The following OR10G8 variants were observed in gnomAD, a reference collection of about 807,000 sequenced individuals.
The protein encoded by OR10G8 is olfactory receptor 10G8.
For missense variants in OR10G8, 386 were observed against 384.9 expected (o/e 1.00, Z -0.02); for synonymous variants, 173 against 163.2 (o/e 1.06, Z -0.46).
chr11:124,029,476 A>T, intron 1 of OR10G8, 120 bp from the exon 2 acceptor site: 1 of 915,172 alleles, frequency 1.1e-6, no homozygotes, highest in Non-Finnish European at 1.7e-6. Context: ...AAGCTTTGTT[A>T]ACAAGCAAAG....
Position 124,029,813 on chromosome 11 carries a change from T to C in OR10G8, c.191T>C (p.Leu64Pro), listed in dbSNP as rs1864138209. Reference protein sequence around the residue: ...HTTMYYFLTNLSFIDMWFSTV... With the variant: ...HTTMYYFLTNPSFIDMWFSTV... ...ACCATGTACTACTTCCTCACCAACCTGTCGTTCATTGACATGTGGTTCTCC... is the reference window on the plus strand; with the variant it reads ...ACCATGTACTACTTCCTCACCAACCCGTCGTTCATTGACATGTGGTTCTCC... Residue 64 changes from leucine (L) to proline (P), a missense_variant, in exon 2 of 2, where the codon CTG becomes CCG. Physicochemically the swap from Leu to Pro is moderately conservative, Grantham distance 98. Coordinates refer to ENST00000641224, the MANE Select transcript of OR10G8 (RefSeq NM_001004464.2). 1.9e-6 allele frequency: 3 copies of C among 1,614,050 alleles called. No homozygotes were observed. Among genetic ancestry groups the C allele is most frequent in the Non-Finnish European group, 2.5e-6 (3 of 1,180,032 alleles).
intron 1 of OR10G8, among the ~76,000 whole-genome samples, chr11:124,027,225 T>C (rs527702416): frequency 1.3e-5 from 2 of 152,196 alleles, no homozygotes; most frequent in African/African-American, 4.8e-5. Flanking sequence ...AAGTGACAAA[T>C]TGGGGCAAAA....
Position 124,029,930 on chromosome 11 carries a change from T to G in OR10G8, c.308T>G (p.Phe103Cys), listed in dbSNP as rs554092391. The G allele has an allele frequency of 3.7e-6, 6 of 1,613,870 alleles. No individual in the cohort carries two copies. Among genetic ancestry groups the G allele is most frequent in the Non-Finnish European group, 5.1e-6 (6 of 1,179,950 alleles). Residue 103 changes from phenylalanine to cysteine, a missense_variant, in exon 2 of 2, where the codon TTT becomes TGT. Transcript: ENST00000641224. The stretch of plus-strand genomic sequence containing the variant: ...AGCTGCATGGCTCAGCTCTATTTCT[T>G]TCACTTCCTAGGGGGCACCGAGTGT... ...FHSCMAQLYFFHFLGGTECFL... is the reference protein window; with the variant it reads ...FHSCMAQLYFCHFLGGTECFL...
chr11:124,027,250 T>C (rs1345327465), intron 1 of OR10G8, among the ~76,000 whole-genome samples: 1 of 152,240 alleles, frequency 6.6e-6, no homozygotes, highest in African/African-American at 2.4e-5. Context: ...AGATGAGTTT[T>C]ACTATTGAAA....
rs1476377694 is a variant in OR10G8 at position 124,027,437 on chromosome 11, C to T, written c.-28+570C>T. Among the ~76,000 whole-genome samples the T allele has an allele frequency of 2.0e-5, 3 of 152,144 alleles. No homozygotes were observed. In the East Asian group the frequency reaches 5.8e-4, roughly 29 times the overall value. ...TAGATAGATAGTAATTGATGGGATACTAATAGAGACAAAGTTGCTATGTAT... is the reference window on the plus strand; with the variant it reads ...TAGATAGATAGTAATTGATGGGATATTAATAGAGACAAAGTTGCTATGTAT... On this transcript the variant is annotated intron_variant, in intron 1 of 1. Transcript: ENST00000641224.
chr11:124,029,158 G>A (rs905527692), intron 1 of OR10G8, among the ~76,000 whole-genome samples: 3 of 152,014 alleles, frequency 2.0e-5, no homozygotes, highest in Admixed American at 6.6e-5. Context: ...AAAACTGCAA[G>A]GAACCGAATC....
intron 1 of OR10G8, among the ~76,000 whole-genome samples, chr11:124,029,291 C>T (rs1269344657): frequency 6.6e-6 from 1 of 152,124 alleles, no homozygotes; most frequent in East Asian, 1.9e-4. Context: ...ACCTGACCCA[C>T]AGAGAGGGCG....
rs572459190 is a variant in OR10G8 at position 124,029,968 on chromosome 11, G to A, written c.346G>A (p.Val116Ile). Residue 116 changes from valine to isoleucine, a missense_variant, in exon 2 of 2, where the codon GTC (valine) becomes ATC (isoleucine). Val to Ile is a conservative substitution (Grantham distance 29, BLOSUM62 3). Coordinates refer to ENST00000641224, the MANE Select transcript of OR10G8 (RefSeq NM_001004464.2). ...GGGCACCGAGTGTTTCCTCTACAGGGTCATGTCCTGTGATCGCTACCTGGC... is the reference window on the plus strand; with the variant it reads ...GGGCACCGAGTGTTTCCTCTACAGGATCATGTCCTGTGATCGCTACCTGGC... ...LGGTECFLYR[V>I]MSCDRYLAIS... 6.8e-6 allele frequency: 11 copies of A among 1,614,054 alleles called. No homozygotes were observed. Among genetic ancestry groups the A allele is most frequent in the South Asian group, 2.2e-5 (2 of 91,068 alleles).
At chr11:124,027,061 C>T (rs1864113509) in intron 1 of OR10G8, among the ~76,000 whole-genome samples, 194 bp downstream of exon 1, 1 of 152,208 alleles carries the variant, frequency 6.6e-6, no homozygotes, top group Non-Finnish European at 1.5e-5. Context: ...TCCTCTGAGA[C>T]ACAAATCAAC....
Position 124,030,467 on chromosome 11 carries a change from T to G in OR10G8, c.845T>G (p.Leu282Arg). Residue 282 changes from leucine to arginine, a missense_variant, in exon 2 of 2, where the codon CTC becomes CGC. Leu to Arg is a moderately radical substitution (Grantham distance 102, BLOSUM62 -2). Coordinates refer to ENST00000641224, the MANE Select transcript of OR10G8 (RefSeq NM_001004464.2). ...TTCTACACTGTGCTGACGCCCCTTC[T>G]CAACCCTGTTGTGTACACCCTGAGG... is the stretch of plus-strand genomic sequence containing the variant. Reference protein sequence around the residue: ...AVFYTVLTPLLNPVVYTLRNK... With the variant: ...AVFYTVLTPLRNPVVYTLRNK... The G allele has an allele frequency of 1.2e-6, 2 of 1,614,194 alleles. No individual in the cohort carries two copies. Among genetic ancestry groups the G allele is most frequent in the Non-Finnish European group, 8.5e-7 (1 of 1,180,032 alleles).
At position 124,029,630 on chromosome 11, in the gene OR10G8, A is replaced by G. The variant is rs572477865; in HGVS notation, c.8A>G (p.Asn3Ser). The change falls in exon 2 of 2, where the codon AAC becomes AGC. Residue 3 changes from asparagine to serine, a missense_variant. By Grantham distance (46) the Asn-to-Ser change is conservative. Coordinates refer to ENST00000641224, the MANE Select transcript of OR10G8 (RefSeq NM_001004464.2). The stretch of plus-strand genomic sequence containing the variant: ...GACCAAGGGTGAGAAGAAATGTCCA[A>G]CGCCAGCCTACTGACAGCGTTCATC... MS[N>S]ASLLTAFILM... 2.5e-6 allele frequency: 4 copies of G among 1,613,398 alleles called. No homozygotes were observed. The highest frequency in any genetic ancestry group is 2.7e-5 in the African/African-American group (2 of 75,024).
intron 1 of OR10G8, among the ~76,000 whole-genome samples, chr11:124,027,513 T>C (rs2137562396): frequency 6.6e-6 from 1 of 152,328 alleles, no homozygotes; most frequent in East Asian, 1.9e-4. Flanking sequence ...GGATTGAGAC[T>C]CTTGCTTTAG....
chr11:124,029,957 T>TTTTTC lies in OR10G8; in HGVS notation c.335_336insTTTTC (p.Leu113PhefsTer24). The TTTTTC allele has an allele frequency of 6.2e-7, 1 of 1,614,090 alleles. No homozygotes were observed. Among genetic ancestry groups the TTTTTC allele is most frequent in the African/African-American group, 1.3e-5 (1 of 75,030 alleles). On this transcript the variant is annotated frameshift_variant, in exon 2 of 2. Coordinates refer to ENST00000641224, the MANE Select transcript of OR10G8 (RefSeq NM_001004464.2). LOFTEE classifies it low-confidence loss of function (END_TRUNC). Reference sequence around the variant, plus strand: ...CACTTCCTAGGGGGCACCGAGTGTTTCCTCTACAGGGTCATGTCCTGTGAT... The same window carrying TTTTTC: ...CACTTCCTAGGGGGCACCGAGTGTTTTTTTCCCTCTACAGGGTCATGTCCTGTGAT...
chr11:124,027,399 T>A (rs1178588457), intron 1 of OR10G8, among the ~76,000 whole-genome samples: 1 of 152,226 alleles, frequency 6.6e-6, no homozygotes, highest in East Asian at 1.9e-4. Flanking sequence ...ATAAAATCAG[T>A]TAGATACATA....
At chr11:124,028,787 G>GGTT (rs1555155484) in intron 1 of OR10G8, among the ~76,000 whole-genome samples, 1 of 151,170 alleles carries the variant, frequency 6.6e-6, no homozygotes, top group East Asian at 1.9e-4. Context: ...AATTCTTGGT[G>GGTT]TTTTTTTTTA....
rs770374643 is a variant in OR10G8, at chr11:124,030,366, T to C, written c.744T>C (p.Leu248=). The C allele has an allele frequency of 5.6e-6, 9 of 1,614,184 alleles. No homozygotes were observed. In the South Asian group the frequency reaches 9.9e-5, roughly 18 times the overall value. ...QTCASHCIVV[L]CFFGPGLFIY... ...GTGCCTCCCACTGTATCGTGGTCCTTTGCTTCTTTGGCCCTGGTCTTTTCA... is the reference window on the plus strand; with the variant it reads ...GTGCCTCCCACTGTATCGTGGTCCTCTGCTTCTTTGGCCCTGGTCTTTTCA... Residue 248 remains leucine (L), a synonymous_variant, in exon 2 of 2, where the codon CTT becomes CTC. Transcript: ENST00000641224.
Position 124,029,993 on chromosome 11 carries a change from C to T in OR10G8, c.371C>T (p.Ala124Val). 6.2e-7 allele frequency: 1 copy of T among 1,614,118 alleles called. No homozygotes were observed. The highest frequency in any genetic ancestry group is 8.5e-7 in the Non-Finnish European group (1 of 1,180,022). ...GTCATGTCCTGTGATCGCTACCTGG[C>T]CATCAGTTACCCGCTCAGGTACACC... ...YRVMSCDRYL[A>V]ISYPLRYTSM... Residue 124 changes from alanine (A) to valine (V), a missense_variant, in exon 2 of 2, where the codon GCC becomes GTC. Transcript: ENST00000641224.
rs779705567 is a variant in OR10G8 at position 124,030,477 on chromosome 11, T to C, written c.855T>C (p.Val285=). 6.2e-7 allele frequency: 1 copy of C among 1,614,042 alleles called. No individual in the cohort carries two copies. The highest frequency in any genetic ancestry group is 2.2e-5 in the East Asian group (1 of 44,886). The part of the protein sequence containing the change: ...YTVLTPLLNP[V]VYTLRNKEVK... ...TGCTGACGCCCCTTCTCAACCCTGT[T>C]GTGTACACCCTGAGGAACAAGGAGG... The change falls in exon 2 of 2, where the codon GTT becomes GTC. Residue 285 remains valine, a synonymous_variant. Coordinates refer to ENST00000641224, the MANE Select transcript of OR10G8 (RefSeq NM_001004464.2).
chr11:124,030,615 A>AG lies in OR10G8; in HGVS notation c.*61dup. 7.4e-7 allele frequency: 1 copy of AG among 1,350,446 alleles called. No individual in the cohort carries two copies. The highest frequency in any genetic ancestry group is 1.0e-6 in the Non-Finnish European group (1 of 988,480). The allele number at this position is 1,350,446 out of a possible 1,614,324, so 83.7% of individuals were successfully genotyped here. ...GTGAATAGTGCTGTGAAAAACATAC[A>AG]GGGGCAGGTATCTTTTGGATGTAAT... On this transcript the variant is annotated 3_prime_UTR_variant, in exon 2 of 2. Transcript: ENST00000641224.
Sources: gnomAD v4.1 joint callset for allele counts (sites outside exome capture counted in the v4.1 genomes callset) on GRCh38, gnomAD v4.1.1 for gene constraint, MANE v1.5 for transcripts, NCBI Gene and HGNC (gene_info 2026-07-23, HGNC 2026-07-21) for gene names.